The following FBXL7 variants were observed in gnomAD, a reference collection of about 807,000 sequenced individuals.
FBXL7 encodes the protein F-box and leucine rich repeat protein 7.
A neutral mutation model predicts 38.3 loss-of-function variants in FBXL7; 12 were observed. That is an observed-to-expected ratio of 0.31 (90% CI 0.20 to 0.51). FBXL7 has a LOEUF of 0.51. FBXL7 is among the 20% of genes least tolerant of loss of function. FBXL7 has a pLI of 0.98. For missense variants in FBXL7, 567 were observed against 676.4 expected (o/e 0.84, Z 1.79); for synonymous variants, 297 against 300.9 (o/e 0.99, Z 0.13).
rs564007369 is a variant in FBXL7 at position 15,675,794 on chromosome 5, C to T, written c.127+59722C>T. Among the ~76,000 whole-genome samples the T allele has an allele frequency of 1.6e-4, 24 of 152,268 alleles. No individual in the cohort carries two copies. In the South Asian group the frequency reaches 4.8e-3, roughly 30 times the overall value. On this transcript the variant is annotated intron_variant, in intron 2 of 3. Transcript: ENST00000504595. ...TAATAGGACCATTCATTTTATCATTCCCTGGTTTGAGTTAGATTTCTTTCG... is the reference window on the plus strand; with the variant it reads ...TAATAGGACCATTCATTTTATCATTTCCTGGTTTGAGTTAGATTTCTTTCG...
At chr5:15,735,002 G>GCTCACTGCAAC (rs1735708909) in intron 2 of FBXL7, among the ~76,000 whole-genome samples, 1 of 152,150 alleles carries the variant, frequency 6.6e-6, no homozygotes, top group Non-Finnish European at 1.5e-5. Context: ...CATGATCTTG[G>GCTCACTGCAAC]CTCACTGCAA....
At chr5:15,807,619 C>T (rs559747785) in intron 2 of FBXL7, among the ~76,000 whole-genome samples, 2 of 152,152 alleles carry the variant, frequency 1.3e-5, no homozygotes, top group South Asian at 4.1e-4. Flanking sequence ...TGTTTCTAAT[C>T]AAATCCTCCC....
At chr5:15,612,633 C>T (rs148948139) in intron 1 of FBXL7, among the ~76,000 whole-genome samples, 1 of 151,958 alleles carries the variant, frequency 6.6e-6, no homozygotes, top group Non-Finnish European at 1.5e-5. Context: ...TCCAAGTTTC[C>T]CCATGTTTAA....
At chr5:15,556,113 A>T (rs1373558304) in intron 1 of FBXL7, among the ~76,000 whole-genome samples, 1 of 151,824 alleles carries the variant, frequency 6.6e-6, no homozygotes, top group Non-Finnish European at 1.5e-5. Context: ...CTATCTATCT[A>T]TATTGATCCA....
At chr5:15,919,102 T>A (rs1050197252) in intron 2 of FBXL7, among the ~76,000 whole-genome samples, 1 of 152,218 alleles carries the variant, frequency 6.6e-6, no homozygotes, top group Non-Finnish European at 1.5e-5. Context: ...AAATCTTGCT[T>A]TTTATGGCAA....
At chr5:15,679,921 G>A (rs1742790515) in intron 2 of FBXL7, among the ~76,000 whole-genome samples, 1 of 152,176 alleles carries the variant, frequency 6.6e-6, no homozygotes, top group Admixed American at 6.5e-5. Context: ...GGAATTGAGA[G>A]GCAAAGGAGG....
chr5:15,696,523 G>T (rs2126628548), intron 2 of FBXL7, among the ~76,000 whole-genome samples: 1 of 152,184 alleles, frequency 6.6e-6, no homozygotes, highest in South Asian at 2.1e-4. Flanking sequence ...TATCCTATGT[G>T]TGCCTTTGTG....
At chr5:15,906,453 T>TA (rs1488271226) in intron 2 of FBXL7, among the ~76,000 whole-genome samples, 1 of 148,276 alleles carries the variant, frequency 6.7e-6, no homozygotes, top group African/African-American at 2.6e-5. Flanking sequence ...TTTTTTTTTT[T>TA]TTATGTAACA....
chr5:15,698,536 A>G (rs923417836), intron 2 of FBXL7, among the ~76,000 whole-genome samples: 15 of 152,228 alleles, frequency 9.9e-5, no homozygotes, highest in African/African-American at 3.4e-4. Context: ...TTTGTAATGT[A>G]GAACACTGTA....
intron 2 of FBXL7, among the ~76,000 whole-genome samples, chr5:15,673,777 T>C (rs1223154883): frequency 4.0e-5 from 6 of 151,626 alleles, no homozygotes; most frequent in Non-Finnish European, 8.8e-5. Flanking sequence ...ATTATTATTA[T>C]TATTTTTTTT....
At chr5:15,562,905 C>G (rs1399777370) in intron 1 of FBXL7, among the ~76,000 whole-genome samples, 3 of 152,112 alleles carry the variant, frequency 2.0e-5, no homozygotes, top group African/African-American at 7.2e-5. Flanking sequence ...AATATTCATA[C>G]ATTAGCCATT....
intron 2 of FBXL7, among the ~76,000 whole-genome samples, chr5:15,821,104 A>G (rs1738157862): frequency 6.6e-6 from 1 of 152,196 alleles, no homozygotes. Context: ...GACACATGGT[A>G]GGTCCCCAGT....
chr5:15,777,266 C>T (rs1485456204), intron 2 of FBXL7, among the ~76,000 whole-genome samples: 1 of 152,062 alleles, frequency 6.6e-6, no homozygotes, highest in Non-Finnish European at 1.5e-5. Context: ...TTTCACTCTA[C>T]AATATGACTC....
At chr5:15,604,894 C>T (rs1739954481) in intron 1 of FBXL7, among the ~76,000 whole-genome samples, 2 of 152,094 alleles carry the variant, frequency 1.3e-5, no homozygotes, top group Admixed American at 1.3e-4. Context: ...GGGGAATCCC[C>T]TAGTCATCCA....
At chr5:15,871,391 TCTC>T (rs574735494) in intron 2 of FBXL7, among the ~76,000 whole-genome samples, 47 of 152,168 alleles carry the variant, frequency 3.1e-4, no homozygotes, top group South Asian at 1.9e-3. Flanking sequence ...GAATGCCTCT[TCTC>T]CTCCAAAAGA....
At chr5:15,769,559 T>C (rs910481103) in intron 2 of FBXL7, among the ~76,000 whole-genome samples, 1 of 152,212 alleles carries the variant, frequency 6.6e-6, no homozygotes, top group African/African-American at 2.4e-5. Context: ...CACCACATGG[T>C]AATGTAATTT....
intron 2 of FBXL7, among the ~76,000 whole-genome samples, chr5:15,646,841 C>T (rs1392835584): frequency 1.3e-5 from 2 of 152,074 alleles, no homozygotes; most frequent in African/African-American, 2.4e-5. Context: ...AAGGGATACT[C>T]CAGAAGAAAC....
intron 1 of FBXL7, among the ~76,000 whole-genome samples, chr5:15,548,176 C>G (rs982649353): frequency 1.3e-5 from 2 of 152,090 alleles, no homozygotes; most frequent in Non-Finnish European, 1.5e-5. Context: ...AAATCAGGAG[C>G]AATGGAGTAA....
chr5:15,684,844 G>A (rs1217914147), intron 2 of FBXL7, among the ~76,000 whole-genome samples: 1 of 152,148 alleles, frequency 6.6e-6, no homozygotes, highest in East Asian at 1.9e-4. Context: ...CCTCCAGCAG[G>A]AACTCAGTAG....
Sources: gnomAD v4.1 joint callset for allele counts (sites outside exome capture counted in the v4.1 genomes callset) on GRCh38, gnomAD v4.1.1 for gene constraint, MANE v1.5 for transcripts, NCBI Gene and HGNC (gene_info 2026-07-23, HGNC 2026-07-21) for gene names.